The following MDGA2 variants were observed in gnomAD, a reference collection of about 807,000 sequenced individuals.
MDGA2 encodes the protein MAM domain-containing glycosylphosphatidylinositol anchor protein 2.
MDGA2 carries 40 observed loss-of-function variants against 117.8 expected under a neutral mutation model. That is an observed-to-expected ratio of 0.34 (90% confidence interval 0.26 to 0.44). The LOEUF (loss-of-function observed/expected upper bound fraction) is 0.44, where lower values mean the gene tolerates loss of function less well. Among genes scored for constraint, MDGA2 ranks in the 20% least tolerant of loss-of-function variants. The probability of loss-of-function intolerance (pLI) is 1.00; values close to 1 mark genes in which losing one functional copy is unlikely to be tolerated. For synonymous variants in MDGA2, 452 were observed against 439.0 expected, an observed-to-expected ratio of 1.03 and a Z score of -0.37; for missense variants, 1,123 against 1,250.6, an observed-to-expected ratio of 0.90 and a Z score of 1.54.
chr14:47,523,565 C>G (rs532999576), intron 1 of MDGA2, among the ~76,000 whole-genome samples: 1 of 152,008 alleles, frequency 6.6e-6, no homozygotes, highest in African/African-American at 2.4e-5. Context: ...CAGGTTGTCT[C>G]GATATAAATT....
intron 5 of MDGA2, among the ~76,000 whole-genome samples, chr14:47,109,873 G>T (rs1880939834): frequency 6.6e-6 from 1 of 152,138 alleles, no homozygotes; most frequent in African/African-American, 2.4e-5. Context: ...TAGGATCCGG[G>T]AGATAGAGGC....
chr14:47,588,586 T>A (rs971038371), intron 1 of MDGA2, among the ~76,000 whole-genome samples: 7 of 152,012 alleles, frequency 4.6e-5, no homozygotes, highest in African/African-American at 1.7e-4. Context: ...ATTTATCTTT[T>A]TCTTGTTGAG....
intron 2 of MDGA2, among the ~76,000 whole-genome samples, chr14:47,294,529 T>A (rs990569407): frequency 6.6e-6 from 1 of 152,102 alleles, no homozygotes; most frequent in Non-Finnish European, 1.5e-5. Context: ...AGCAGACAGA[T>A]TCAGTCTAGA....
chr14:46,989,481 T>C (rs1453641703), intron 8 of MDGA2, among the ~76,000 whole-genome samples: 1 of 152,122 alleles, frequency 6.6e-6, no homozygotes, highest in Non-Finnish European at 1.5e-5. Context: ...AATCCATCTT[T>C]TTCTTCATGG....
rs951754406 is a variant in MDGA2, at chr14:46,855,938, A to C, written c.2753-784T>G. On this transcript the variant is annotated intron_variant, in intron 14 of 16. Transcript: ENST00000399232. The surrounding 1 kb of genome is among the most constrained non-coding windows in gnomAD (Gnocchi z 4.1). ...GGAAAATAAAATGAAGATAGCTTTT[A>C]TCTCATTATTTGATATCTCTCTTTC... Among the ~76,000 whole-genome samples the C allele has an allele frequency of 6.6e-6, 1 of 152,076 alleles. No homozygotes were observed. Among genetic ancestry groups the C allele is most frequent in the Non-Finnish European group, 1.5e-5 (1 of 67,990 alleles).
In MDGA2 at chr14:47,107,045, G is replaced by A. The variant is rs890744795; in HGVS notation, c.926-9922C>T. ...CTTCCCAAGCCAAAGCCTCCTTTGC[G>A]TCCACCTCTTCTATCCCCCCACCTT... On this transcript the variant is annotated intron_variant, in intron 5 of 16. Transcript: ENST00000399232. Among the ~76,000 whole-genome samples the A allele has an allele frequency of 9.7e-5, 12 of 124,046 alleles. 1 individual carries two copies. The highest frequency in any genetic ancestry group is 3.0e-4 in the African/African-American group (9 of 29,678). 81.4% of individuals were successfully genotyped at this position (124,046 alleles called of 152,430 possible).
chr14:46,951,727 C>A (rs1351444430), intron 9 of MDGA2, among the ~76,000 whole-genome samples: 1 of 151,900 alleles, frequency 6.6e-6, no homozygotes, highest in East Asian at 1.9e-4. Flanking sequence ...CCCAGTTGAG[C>A]GTCTAGATAA....
chr14:47,531,434 C>T (rs1031523357), intron 1 of MDGA2, among the ~76,000 whole-genome samples: 7 of 152,186 alleles, frequency 4.6e-5, no homozygotes, highest in Non-Finnish European at 7.4e-5. Flanking sequence ...ATACTAGCAG[C>T]GACTCATATT....
chr14:47,218,073 T>C lies in MDGA2; in HGVS notation c.543A>G (p.Ala181=). 2.6e-6 allele frequency: 4 copies of C among 1,551,542 alleles called. No homozygotes were observed. The highest frequency in any genetic ancestry group is 3.5e-6 in the Non-Finnish European group (4 of 1,146,722). ...RHQGGRYYCK[A]ENGLGSPAIK... The stretch of plus-strand genomic sequence containing the variant: ...TCGCTGGAGACCCCAAGCCATTCTC[T>C]GCTTTACAGTAATACCGGCCTCCTT... Residue 181 remains alanine, a synonymous_variant, in exon 3 of 17, where the codon GCA becomes GCG. Transcript: ENST00000399232.
At chr14:47,049,882 T>G (rs534957094) in intron 7 of MDGA2, among the ~76,000 whole-genome samples, 1 of 152,102 alleles carries the variant, frequency 6.6e-6, no homozygotes, top group South Asian at 2.1e-4. Flanking sequence ...TGTTCTCAAC[T>G]CTTTCCCTCC....
Position 46,957,121 on chromosome 14 carries a change from T to TAACCA in MDGA2, c.2089+248_2089+252dup, listed in dbSNP as rs111744317. 5.0e-3 allele frequency among the ~76,000 whole-genome samples: 764 copies of TAACCA among 152,284 alleles called. 10 individuals carry two copies. Among genetic ancestry groups the TAACCA allele is most frequent in the African/African-American group, 0.017 (727 of 41,570 alleles). ...GCACTGTGAGAATTGACTAATATAA[T>TAACCA]AACCAATTTCCTCCTCACTAACTCT... On this transcript the variant is annotated intron_variant, in intron 9 of 16. Transcript: ENST00000399232.
chr14:46,960,174 T>C (rs567469507), intron 8 of MDGA2, among the ~76,000 whole-genome samples: 103 of 152,134 alleles, frequency 6.8e-4, no homozygotes, highest in African/African-American at 2.4e-3. Flanking sequence ...TGAGCCGAGA[T>C]TGCACCGCTG....
intron 6 of MDGA2, among the ~76,000 whole-genome samples, chr14:47,084,527 G>A (rs1297640782): frequency 6.6e-6 from 1 of 150,888 alleles, no homozygotes; most frequent in Non-Finnish European, 1.5e-5. Context: ...GACATGCTGA[G>A]TAATAAAGTA....
At chr14:47,452,700 A>G (rs1893266389) in intron 1 of MDGA2, among the ~76,000 whole-genome samples, 2 of 152,086 alleles carry the variant, frequency 1.3e-5, no homozygotes, top group African/African-American at 4.8e-5. Flanking sequence ...CTAACCAAGG[A>G]TACATTTCCC....
chr14:46,973,272 T>G (rs545385763), intron 8 of MDGA2, among the ~76,000 whole-genome samples: 1 of 152,270 alleles, frequency 6.6e-6, no homozygotes, highest in East Asian at 1.9e-4. Context: ...TAGTATTTAC[T>G]CAAAGGAGTT....
rs556300989 is a variant in MDGA2, at chr14:47,440,137, C to T, written c.281-138587G>A. Among the ~76,000 whole-genome samples, 6 of 152,092 alleles carry T rather than the reference C, an allele frequency of 3.9e-5. 1 individual carries two copies. The highest frequency in any genetic ancestry group is 9.6e-5 in the African/African-American group (4 of 41,534). On this transcript the variant is annotated intron_variant, in intron 1 of 16. Transcript: ENST00000399232. ...AGGATTGTTTCCCCATCACATGTGTCGGCTCCAGTGTCTCACTCCCAACAG... is the reference window on the plus strand; with the variant it reads ...AGGATTGTTTCCCCATCACATGTGTTGGCTCCAGTGTCTCACTCCCAACAG...
intron 1 of MDGA2, among the ~76,000 whole-genome samples, chr14:47,638,409 TG>T (rs1354755349): frequency 6.6e-6 from 1 of 152,124 alleles, no homozygotes; most frequent in African/African-American, 2.4e-5. Flanking sequence ...TACTTTTGGA[TG>T]GAATTAATGC....
chr14:47,021,089 A>C (rs925016650), intron 8 of MDGA2, among the ~76,000 whole-genome samples: 1 of 152,166 alleles, frequency 6.6e-6, no homozygotes, highest in Non-Finnish European at 1.5e-5. Flanking sequence ...TGCAGACAAA[A>C]ATAAAATAAT....
chr14:47,252,087 A>C (rs1887466789), intron 2 of MDGA2, among the ~76,000 whole-genome samples: 1 of 152,070 alleles, frequency 6.6e-6, no homozygotes, highest in Non-Finnish European at 1.5e-5. Flanking sequence ...CTTCACTTTC[A>C]ATCCAGATTT....
Sources: allele counts gnomAD v4.1 joint callset (sites outside exome capture counted in the v4.1 genomes callset), GRCh38; gene constraint gnomAD v4.1.1; non-coding constraint Gnocchi (gnomAD v3.1); transcripts MANE v1.5; gene names NCBI Gene and HGNC (gene_info 2026-07-23, HGNC 2026-07-21).